LRRC7: variants seen among roughly 807,000 people sequenced by gnomAD.
The protein encoded by LRRC7 is leucine rich repeat containing 7.
A neutral mutation model predicts 175.7 loss-of-function variants in LRRC7; 23 were observed. The ratio of observed to expected loss-of-function variants is 0.13; its 90% CI spans 0.09 to 0.19. The LOEUF (loss-of-function observed/expected upper bound fraction) is 0.19. Ranked by LOEUF, LRRC7 falls within the 10% of genes least tolerant of loss-of-function variation. The probability of loss-of-function intolerance (pLI) is 1.00; values close to 1 mark genes in which losing one functional copy is unlikely to be tolerated. For missense variants in LRRC7, 1,354 were observed against 1,904.7 expected (o/e 0.71, Z 5.38); for synonymous variants, 685 against 680.9 (o/e 1.01, Z -0.09).
intron 7 of LRRC7, chr1:69,919,640 G>T: frequency 1.2e-6 from 1 of 860,992 alleles, no homozygotes; most frequent in Non-Finnish European, 2.0e-6. Context: ...GAAGATCAAG[G>T]CAGGAGAGAA....
At chr1:70,116,882 A>G (rs754773553) in intron 26 of LRRC7, among the ~76,000 whole-genome samples, 15 of 152,320 alleles carry the variant, frequency 9.8e-5, no homozygotes, top group Non-Finnish European at 1.8e-4. Context: ...GTGAAGCACA[A>G]TGAGGATTAT....
chr1:70,010,262 T>C (rs550002447), intron 11 of LRRC7, among the ~76,000 whole-genome samples: 2 of 152,264 alleles, frequency 1.3e-5, no homozygotes, highest in South Asian at 4.1e-4. Flanking sequence ...AGCTAACTAG[T>C]TTTAACATAA....
intron 23 of LRRC7, among the ~76,000 whole-genome samples, chr1:70,053,603 A>C (rs948680145): frequency 1.3e-5 from 2 of 152,186 alleles, no homozygotes; most frequent in Non-Finnish European, 2.9e-5. Flanking sequence ...TGAGGAAACA[A>C]AAATGAAAAA....
At position 70,121,672 on chromosome 1, in the gene LRRC7, AC is replaced by A. The variant is rs766861515; in HGVS notation, c.4621-107del. 3.0e-4 allele frequency: 208 copies of A among 690,836 alleles called. 2 individuals are homozygous for A. The highest frequency in any genetic ancestry group is 4.6e-4 in the Admixed American group (16 of 35,090). 42.8% of individuals were successfully genotyped at this position (690,836 alleles called of 1,614,324 possible). A position where few individuals can be genotyped will look rare whatever the true frequency, so the allele number is the denominator to read the frequency against. On this transcript the variant is annotated intron_variant, in intron 26 of 26. Coordinates refer to ENST00000651989, the MANE Select transcript of LRRC7 (RefSeq NM_001370785.2). ...TGCGATTCCATTGTGAATTATAAAA[AC>A]TGACAACTTTTTGTTGCTCAGTGCT...
At chr1:69,985,542 A>G (rs905393482) in intron 9 of LRRC7, among the ~76,000 whole-genome samples, 1 of 152,136 alleles carries the variant, frequency 6.6e-6, no homozygotes, top group Admixed American at 6.6e-5. Context: ...TTTTTGGACT[A>G]CTCACATAGT....
At chr1:69,845,565 T>G (rs762324648) in intron 7 of LRRC7, among the ~76,000 whole-genome samples, 24 of 152,258 alleles carry the variant, frequency 1.6e-4, no homozygotes, top group Middle Eastern at 3.4e-3. Context: ...TTACTACCAG[T>G]TATTATCAAA....
At chr1:69,732,882 G>T (rs1667730894) in intron 2 of LRRC7, among the ~76,000 whole-genome samples, 1 of 152,016 alleles carries the variant, frequency 6.6e-6, no homozygotes, top group Admixed American at 6.6e-5. Context: ...GGTTAATAGG[G>T]ATTCCATACA....
At chr1:70,049,218 T>C (rs1372621319) in intron 22 of LRRC7, among the ~76,000 whole-genome samples, 1 of 152,140 alleles carries the variant, frequency 6.6e-6, no homozygotes, top group Non-Finnish European at 1.5e-5. Flanking sequence ...CTAAAGTTGA[T>C]TGAAATTAGT....
chr1:69,647,576 T>G (rs1308539535), intron 1 of LRRC7, among the ~76,000 whole-genome samples: 2 of 152,168 alleles, frequency 1.3e-5, no homozygotes, highest in Non-Finnish European at 2.9e-5. Flanking sequence ...ATTTATTTAG[T>G]GTAGATTTAT....
At chr1:69,907,731 T>G (rs541018664) in intron 7 of LRRC7, among the ~76,000 whole-genome samples, 7 of 152,264 alleles carry the variant, frequency 4.6e-5, no homozygotes, top group Admixed American at 3.9e-4. Context: ...TCTTTTTTGG[T>G]TGTGTCTCTG....
At chr1:69,653,622 T>G (rs1459341000) in intron 1 of LRRC7, among the ~76,000 whole-genome samples, 2 of 152,116 alleles carry the variant, frequency 1.3e-5, no homozygotes, top group Non-Finnish European at 2.9e-5. Flanking sequence ...TAAAAAGAAC[T>G]ACCATATAAT....
At chr1:69,721,417 T>C (rs1397648590) in intron 2 of LRRC7, among the ~76,000 whole-genome samples, 3 of 150,886 alleles carry the variant, frequency 2.0e-5, no homozygotes, top group East Asian at 3.9e-4. Context: ...TCTGTCTCCA[T>C]AATTTTGTCA....
At chr1:70,098,465 A>C (rs1200095730) in intron 25 of LRRC7, among the ~76,000 whole-genome samples, 1 of 147,030 alleles carries the variant, frequency 6.8e-6, no homozygotes, top group Non-Finnish European at 1.5e-5. Context: ...AGAATTAACT[A>C]AAATCAGAGC....
chr1:69,681,266 C>CA (rs1160958800), intron 2 of LRRC7, among the ~76,000 whole-genome samples: 1 of 152,086 alleles, frequency 6.6e-6, no homozygotes, highest in Admixed American at 6.6e-5. Flanking sequence ...ACAAAGGTGC[C>CA]ACCTTCGAAA....
chr1:69,929,913 T>G (rs1381390481), intron 7 of LRRC7, among the ~76,000 whole-genome samples: 9 of 152,126 alleles, frequency 5.9e-5, no homozygotes, highest in Admixed American at 1.3e-4. Context: ...TTAGCCATAC[T>G]GGTCTGCTAG....
intron 4 of LRRC7, among the ~76,000 whole-genome samples, chr1:69,803,777 CTG>C (rs988176449): frequency 6.6e-6 from 1 of 151,146 alleles, no homozygotes; most frequent in Non-Finnish European, 1.5e-5. Context: ...CTTCATCATA[CTG>C]TTTTTTTAAT....
intron 24 of LRRC7, among the ~76,000 whole-genome samples, chr1:70,088,244 A>G (rs1663757916): frequency 6.6e-6 from 1 of 152,148 alleles, no homozygotes; most frequent in African/African-American, 2.4e-5. Flanking sequence ...GGTTCACCTA[A>G]TACTTACTCT....
intron 7 of LRRC7, among the ~76,000 whole-genome samples, chr1:69,905,911 C>T (rs1443827846): frequency 1.3e-5 from 2 of 152,226 alleles, no homozygotes; most frequent in Non-Finnish European, 2.9e-5. Flanking sequence ...ACATCCTCTC[C>T]AGCACCTGTT....
At chr1:69,984,520 C>A (rs974306478) in intron 9 of LRRC7, among the ~76,000 whole-genome samples, 3 of 151,832 alleles carry the variant, frequency 2.0e-5, no homozygotes, top group African/African-American at 7.3e-5. Flanking sequence ...CAAAACATGC[C>A]CTAAAGGAAA....
Sources: allele counts gnomAD v4.1 joint callset (sites outside exome capture counted in the v4.1 genomes callset), GRCh38; gene constraint gnomAD v4.1.1; transcripts MANE v1.5; gene names NCBI Gene and HGNC (gene_info 2026-07-23, HGNC 2026-07-21).